Variants in KCNAB1 observed in about 807,000 individuals in gnomAD.
The protein encoded by KCNAB1 is potassium voltage-gated channel subfamily A regulatory beta subunit 1, also known as voltage-gated potassium channel subunit beta-1.
Under a neutral mutation model 64.6 loss-of-function variants are expected in KCNAB1, and 35 were observed. That is an observed-to-expected ratio of 0.54 (90% confidence interval 0.41 to 0.72). The LOEUF is 0.72. Among genes scored for constraint, KCNAB1 ranks in the 30% least tolerant of loss-of-function variants. The pLI, the probability that KCNAB1 is intolerant of heterozygous loss-of-function variation, is 0.00. For missense variants in KCNAB1, 401 were observed against 512.9 expected (o/e 0.78, Z 2.11); for synonymous variants, 177 against 183.8 (o/e 0.96, Z 0.30).
At chr3:156,468,798 A>G (rs1412091468) in intron 7 of KCNAB1, among the ~76,000 whole-genome samples, 2 of 152,234 alleles carry the variant, frequency 1.3e-5, no homozygotes, top group Non-Finnish European at 2.9e-5. Flanking sequence ...TAGCCCTAAG[A>G]AAAGCATCCA....
chr3:156,334,554 A>G (rs1723557596), intron 1 of KCNAB1, among the ~76,000 whole-genome samples: 1 of 152,236 alleles, frequency 6.6e-6, no homozygotes, highest in Admixed American at 6.5e-5. Flanking sequence ...TAAGGACAAC[A>G]GTTCCAACAC....
intron 1 of KCNAB1, among the ~76,000 whole-genome samples, chr3:156,177,231 G>A (rs1032969726): frequency 3.3e-5 from 5 of 152,154 alleles, no homozygotes; most frequent in African/African-American, 1.2e-4. Context: ...ATAGAGTGGG[G>A]CTCATACCAC....
At chr3:156,461,658 A>G (rs957897294) in intron 5 of KCNAB1, among the ~76,000 whole-genome samples, 1 of 152,196 alleles carries the variant, frequency 6.6e-6, no homozygotes, top group Non-Finnish European at 1.5e-5. Context: ...AGTACATCTA[A>G]GGAAGGAGGG....
At chr3:156,255,756 TCTCTGGTTTCC>T in intron 1 of KCNAB1, among the ~76,000 whole-genome samples, 1 of 152,314 alleles carries the variant, frequency 6.6e-6, no homozygotes, top group East Asian at 1.9e-4. Flanking sequence ...CATGCAGCCT[TCTCTGGTTTCC>T]TCTCACTCAG....
chr3:156,494,953 A>T (rs1436613125), intron 8 of KCNAB1, among the ~76,000 whole-genome samples: 1 of 152,062 alleles, frequency 6.6e-6, no homozygotes, highest in Non-Finnish European at 1.5e-5. Flanking sequence ...GGTTTGCTGC[A>T]CAGATCATCG....
intron 1 of KCNAB1, among the ~76,000 whole-genome samples, chr3:156,281,235 GTC>G (rs1719695165): frequency 6.6e-6 from 1 of 150,460 alleles, no homozygotes; most frequent in Non-Finnish European, 1.5e-5. Flanking sequence ...TGTGGTTTTT[GTC>G]TTTGGCTCTG....
intron 1 of KCNAB1, among the ~76,000 whole-genome samples, chr3:156,324,772 T>C (rs1722866161): frequency 6.6e-6 from 1 of 152,154 alleles, no homozygotes; most frequent in African/African-American, 2.4e-5. Context: ...CCAGGCTTTC[T>C]ACCATGCTCA....
intron 1 of KCNAB1, among the ~76,000 whole-genome samples, chr3:156,228,460 A>G (rs1716316852): frequency 1.3e-5 from 2 of 152,002 alleles, no homozygotes; most frequent in African/African-American, 4.8e-5. Flanking sequence ...AATGCATCTC[A>G]TGTGTGGTCG....
chr3:156,272,144 G>T (rs1242457399), intron 1 of KCNAB1, among the ~76,000 whole-genome samples: 2 of 152,218 alleles, frequency 1.3e-5, no homozygotes, highest in South Asian at 2.1e-4. Context: ...GATTGTACTC[G>T]GTCTGACTTG....
intron 1 of KCNAB1, among the ~76,000 whole-genome samples, chr3:156,323,592 T>C (rs547611480): frequency 2.5e-4 from 38 of 152,312 alleles, no homozygotes; most frequent in Admixed American, 4.6e-4. Flanking sequence ...ATGTGAGATC[T>C]GTGTCATTCT....
intron 1 of KCNAB1, among the ~76,000 whole-genome samples, chr3:156,180,764 C>A (rs567604440): frequency 6.6e-6 from 1 of 152,164 alleles, no homozygotes; most frequent in Admixed American, 6.5e-5. Context: ...AGTAGATAGG[C>A]AAATAAGCTA....
upstream of KCNAB1, chr3:156,120,457 C>A: frequency 1.2e-6 from 1 of 851,796 alleles, no homozygotes; most frequent in Non-Finnish European, 1.9e-6. Flanking sequence ...CATTTTCATC[C>A]CAAGCCACAG....
At chr3:156,531,056 T>C (rs1718669094) in intron 12 of KCNAB1, among the ~76,000 whole-genome samples, 1 of 152,100 alleles carries the variant, frequency 6.6e-6, no homozygotes, top group South Asian at 2.1e-4. Flanking sequence ...AAGAGACATA[T>C]AGTAGGCTAG....
intron 7 of KCNAB1, among the ~76,000 whole-genome samples, chr3:156,469,230 CTCTT>C (rs201962265): frequency 0.046 from 6,085 of 131,676 alleles, 456 homozygotes; most frequent in African/African-American, 0.15. Flanking sequence ...TCAGGGTTCT[CTCTT>C]TCTTTCTTTC....
intron 1 of KCNAB1, among the ~76,000 whole-genome samples, chr3:156,357,008 G>A (rs2108098037): frequency 6.6e-6 from 1 of 152,252 alleles, no homozygotes; most frequent in East Asian, 1.9e-4. Flanking sequence ...TTGTGATGTG[G>A]TGGGTGTTTT....
intron 1 of KCNAB1, among the ~76,000 whole-genome samples, chr3:156,138,449 C>T (rs73876108): frequency 0.024 from 3,700 of 152,308 alleles, 164 homozygotes; most frequent in African/African-American, 0.084. Flanking sequence ...GCTCTGGCCT[C>T]AGTTTTTATT....
At chr3:156,351,858 A>G (rs1333360294) in intron 1 of KCNAB1, among the ~76,000 whole-genome samples, 1 of 152,124 alleles carries the variant, frequency 6.6e-6, no homozygotes, top group Non-Finnish European at 1.5e-5. Flanking sequence ...GGAGAGTCAC[A>G]CAGAGCCAAG....
At chr3:156,302,411 T>A (rs1187927140) in intron 1 of KCNAB1, among the ~76,000 whole-genome samples, 2 of 152,076 alleles carry the variant, frequency 1.3e-5, no homozygotes, top group Non-Finnish European at 2.9e-5. Flanking sequence ...AAATGTTATA[T>A]GGGAGAGGGG....
intron 11 of KCNAB1, among the ~76,000 whole-genome samples, chr3:156,519,056 C>CT (rs1717763111): frequency 6.6e-6 from 1 of 152,218 alleles, no homozygotes; most frequent in Middle Eastern, 3.2e-3. Flanking sequence ...CCTCCAGACT[C>CT]TATCTTGACT....
Sources: gnomAD v4.1 joint callset for allele counts (sites outside exome capture counted in the v4.1 genomes callset) on GRCh38, gnomAD v4.1.1 for gene constraint, MANE v1.5 for transcripts, NCBI Gene and HGNC (gene_info 2026-07-23, HGNC 2026-07-21) for gene names.